The following ACAT2 variants were observed in gnomAD, a reference collection of about 807,000 sequenced individuals.
ACAT2 encodes acetyl-CoA acetyltransferase, cytosolic.
ACAT2 carries 26 observed loss-of-function variants against 37.1 expected under a neutral mutation model. The observed-to-expected ratio is 0.70, with a 90% CI of 0.51 to 0.97. The LOEUF (loss-of-function observed/expected upper bound fraction) is 0.97. Among genes scored for constraint, ACAT2 ranks in the 50% least tolerant of loss-of-function variants. The probability of loss-of-function intolerance (pLI) is 0.00; values close to 1 mark genes in which losing one functional copy is unlikely to be tolerated. For missense variants in ACAT2, 468 were observed against 489.0 expected (o/e 0.96, Z 0.40); for synonymous variants, 156 against 163.6 (o/e 0.95, Z 0.35).
Position 159,762,112 on chromosome 6 carries a change from G to C in ACAT2, c.25G>C (p.Val9Leu). The C allele has an allele frequency of 6.2e-7, 1 of 1,613,292 alleles. No homozygotes were observed. The highest frequency in any genetic ancestry group is 2.2e-5 in the East Asian group (1 of 44,860). MNAGSDPV[V>L]IVSAARTIIG... ...GATGAATGCAGGCTCAGATCCTGTG[G>C]TCATCGTCTCGGCGGCGCGGACCAT... Residue 9 changes from valine (V) to leucine (L), a missense_variant, in exon 1 of 9, where the codon GTC becomes CTC. Coordinates refer to ENST00000367048, the MANE Select transcript of ACAT2 (RefSeq NM_005891.3).
chr6:159,778,457 G>T lies in ACAT2; in HGVS notation c.1023+177G>T, dbSNP rs1435041582. On this transcript the variant is annotated intron_variant, in intron 8 of 8. Coordinates refer to ENST00000367048, the MANE Select transcript of ACAT2 (RefSeq NM_005891.3). ...AAAAAAAAAAAAAAAAAAGACATTG[G>T]CTTACTTGGCATAAAAGGAACGAGG... 37 of 685,102 alleles carry T rather than the reference G, an allele frequency of 5.4e-5. No homozygotes were observed. In the East Asian group the frequency reaches 1.0e-3, roughly 19 times the overall value. The allele number at this position is 685,102 out of a possible 1,614,324, so 42.4% of individuals were successfully genotyped here.
At chr6:159,768,282 T>C (rs189810069) in intron 3 of ACAT2, among the ~76,000 whole-genome samples, 117 of 152,126 alleles carry the variant, frequency 7.7e-4, no homozygotes, top group Admixed American at 1.6e-3. Context: ...TGAGGGAGAA[T>C]TGAAAATGGG....
chr6:159,778,574 T>A, intron 8 of ACAT2, 85 bp from the exon 9 acceptor site: 1 of 1,438,084 alleles, frequency 7.0e-7, no homozygotes, highest in East Asian at 2.3e-5. Flanking sequence ...AGCATGCTGA[T>A]ACATTAAGAG....
intron 2 of ACAT2, among the ~76,000 whole-genome samples, chr6:159,766,735 C>T (rs1300568292): frequency 5.9e-5 from 9 of 152,316 alleles, no homozygotes; most frequent in Admixed American, 5.9e-4. Flanking sequence ...GATGACACTT[C>T]TTTCTTAATG....
Position 159,778,954 on chromosome 6 carries a change from T to G in ACAT2, c.*125T>G. ...TTCCTACATCACAAAAACCCAAGTT[T>G]ACAGCTTGTACTTTACTTTAATGTG... On this transcript the variant is annotated 3_prime_UTR_variant, in exon 9 of 9. Coordinates refer to ENST00000367048, the MANE Select transcript of ACAT2 (RefSeq NM_005891.3). 6.4e-7 allele frequency: 1 copy of G among 1,557,204 alleles called. No homozygotes were observed. Among genetic ancestry groups the G allele is most frequent in the African/African-American group, 1.4e-5 (1 of 73,412 alleles).
intron 7 of ACAT2, 120 bp from the exon 8 acceptor site, chr6:159,778,050 G>A (rs1780462420): frequency 3.0e-6 from 2 of 665,142 alleles, no homozygotes; most frequent in African/African-American, 1.9e-5. Flanking sequence ...ATTAACCTAA[G>A]AACAAACCAA....
intron 1 of ACAT2, 131 bp from the exon 2 acceptor site, chr6:159,762,788 G>C: frequency 1.3e-6 from 2 of 1,592,856 alleles, no homozygotes; most frequent in Non-Finnish European, 1.7e-6. Context: ...GTGTAGGAAC[G>C]TGTGGGAGGA....
chr6:159,778,469 T>C (rs990849900), intron 8 of ACAT2, 189 bp downstream of exon 8: 2 of 611,802 alleles, frequency 3.3e-6, no homozygotes, highest in African/African-American at 4.4e-5. Context: ...TTACTTGGCA[T>C]AAAAGGAACG....
In ACAT2 at chr6:159,768,632, A is replaced by G. The variant is rs1780291372; in HGVS notation, c.490+4A>G. 1.3e-6 allele frequency: 2 copies of G among 1,578,782 alleles called. No individual in the cohort carries two copies. Among genetic ancestry groups the G allele is most frequent in the Non-Finnish European group, 1.7e-6 (2 of 1,148,008 alleles). On this transcript the variant is annotated splice_donor_region_variant and intron_variant, in intron 4 of 8. Coordinates refer to ENST00000367048, the MANE Select transcript of ACAT2 (RefSeq NM_005891.3). ...AACTGTCATATGGGTATTACAGGTA[A>G]GGCAGACATGGCTGAAACTGTATTA...
At chr6:159,765,899 C>T (rs1308231074) in intron 2 of ACAT2, among the ~76,000 whole-genome samples, 2 of 152,190 alleles carry the variant, frequency 1.3e-5, no homozygotes, top group Non-Finnish European at 2.9e-5. Context: ...TTTGCTAGTT[C>T]TTCCCCACAA....
At position 159,778,290 on chromosome 6, in the gene ACAT2, C is replaced by T. The variant is rs376726384; in HGVS notation, c.1023+10C>T. On this transcript the variant is annotated intron_variant, in intron 8 of 8. Coordinates refer to ENST00000367048, the MANE Select transcript of ACAT2 (RefSeq NM_005891.3). ...ATTAAACCCAGAGAAGGTAAAGATG[C>T]ACAAGTAACCCTGAGAGCTTACCAG... 1.3e-6 allele frequency: 2 copies of T among 1,559,158 alleles called. No individual in the cohort carries two copies. Among genetic ancestry groups the T allele is most frequent in the East Asian group, 2.2e-5 (1 of 44,530 alleles).
rs1780289213 is a variant in ACAT2 at position 159,768,496 on chromosome 6, ATTTC to A, written c.373-13_373-10del. ...TGCAACTAAGCCTAAATCCATTTTTATTTCTGACTTCTAGGCTCCTCACTTGGCT... is the reference window on the plus strand; with the variant it reads ...TGCAACTAAGCCTAAATCCATTTTTATGACTTCTAGGCTCCTCACTTGGCT... On this transcript the variant is annotated splice_polypyrimidine_tract_variant and intron_variant, in intron 3 of 8. Transcript: ENST00000367048. The A allele has an allele frequency of 1.3e-6, 2 of 1,569,824 alleles. No individual in the cohort carries two copies. The highest frequency in any genetic ancestry group is 3.3e-5 in the Admixed American group (2 of 59,792).
At chr6:159,765,744 C>T (rs963424468) in intron 2 of ACAT2, among the ~76,000 whole-genome samples, 3 of 152,100 alleles carry the variant, frequency 2.0e-5, no homozygotes, top group Non-Finnish European at 2.9e-5. Flanking sequence ...CCTGAGGCAC[C>T]GCACTGGGCC....
At chr6:159,776,971 A>G (rs1254186298) in intron 6 of ACAT2, among the ~76,000 whole-genome samples, 1 of 152,158 alleles carries the variant, frequency 6.6e-6, no homozygotes, top group Non-Finnish European at 1.5e-5. Context: ...TATTTTAAGT[A>G]GAGATGGCTT....
chr6:159,762,799 G>A (rs1179922692), intron 1 of ACAT2, 120 bp from the exon 2 acceptor site: 8 of 1,595,024 alleles, frequency 5.0e-6, no homozygotes, highest in Non-Finnish European at 6.8e-6. Context: ...TGTGGGAGGA[G>A]AGGGCACTGC....
At chr6:159,776,423 T>C (rs1780415102) in intron 6 of ACAT2, 151 bp downstream of exon 6, 5 of 1,009,740 alleles carry the variant, frequency 5.0e-6, no homozygotes, top group Non-Finnish European at 6.9e-6. Flanking sequence ...ATATGATCAT[T>C]GCTCACTTGC....
intron 2 of ACAT2, among the ~76,000 whole-genome samples, chr6:159,763,473 G>C (rs1480508772): frequency 6.6e-6 from 1 of 152,054 alleles, no homozygotes; most frequent in Non-Finnish European, 1.5e-5. Context: ...GAGCCCAGGA[G>C]TTTGAGACTG....
chr6:159,778,712 C>A lies in ACAT2; in HGVS notation c.1077C>A (p.Gly359=), dbSNP rs1356999096. 1 of 1,614,236 alleles carries A rather than the reference C, an allele frequency of 6.2e-7. No individual in the cohort carries two copies. The highest frequency in any genetic ancestry group is 1.7e-5 in the Admixed American group (1 of 60,026). Reference sequence around the variant, plus strand: ...TGGGCCACCCTCTTGGAGCATCTGGCTGTCGAATTCTTGTGACCCTGTTAC... The same window carrying A: ...TGGGCCACCCTCTTGGAGCATCTGGATGTCGAATTCTTGTGACCCTGTTAC... ...IALGHPLGAS[G]CRILVTLLHT... Residue 359 remains glycine (G), a synonymous_variant, in exon 9 of 9, where the codon GGC becomes GGA. Transcript: ENST00000367048.
intron 6 of ACAT2, among the ~76,000 whole-genome samples, chr6:159,777,089 G>A (rs971125057): frequency 1.3e-5 from 2 of 152,112 alleles, no homozygotes; most frequent in African/African-American, 2.4e-5. Context: ...GCCCAGCCCC[G>A]ACTACTGTAA....
Sources: allele counts gnomAD v4.1 joint callset (sites outside exome capture counted in the v4.1 genomes callset), GRCh38; gene constraint gnomAD v4.1.1; transcripts MANE v1.5; gene names NCBI Gene and HGNC (gene_info 2026-07-23, HGNC 2026-07-21).